The following CNTLN variants were observed in gnomAD, a reference collection of about 807,000 sequenced individuals.
CNTLN encodes the protein centlein.
Under a neutral mutation model 180.0 loss-of-function variants are expected in CNTLN, and 212 were observed. The ratio of observed to expected loss-of-function variants is 1.18; its 90% CI spans 1.05 to 1.32. CNTLN has a LOEUF of 1.32. Among genes scored for constraint, CNTLN ranks in the 40% most tolerant of loss-of-function variants. CNTLN has a pLI of 0.00. For synonymous variants in CNTLN, 722 were observed against 563.1 expected (o/e 1.28, Z -3.99); for missense variants, 2,095 against 1,610.9 (o/e 1.30, Z -5.14).
the CNTLN span, among the ~76,000 whole-genome samples, chr9:17,512,278 C>A: frequency 6.6e-6 from 1 of 152,126 alleles, no homozygotes; most frequent in African/African-American, 2.4e-5. Flanking sequence ...ATCTACATAC[C>A]GTATCAGTAG....
intron 2 of CNTLN, among the ~76,000 whole-genome samples, chr9:17,186,227 G>C (rs1428132967): frequency 6.6e-6 from 1 of 152,114 alleles, no homozygotes; most frequent in African/African-American, 2.4e-5. Context: ...TCCTTGAAAA[G>C]GGTATTCATC....
chr9:17,204,475 C>G (rs1822773411), intron 2 of CNTLN, among the ~76,000 whole-genome samples: 1 of 152,126 alleles, frequency 6.6e-6, no homozygotes, highest in South Asian at 2.1e-4. Flanking sequence ...AGTCCAGACC[C>G]TGCTTGGCTG....
At chr9:17,414,817 C>G (rs952169272) in intron 16 of CNTLN, among the ~76,000 whole-genome samples, 2 of 152,168 alleles carry the variant, frequency 1.3e-5, no homozygotes. Context: ...AGGCTAGGCA[C>G]TGTGGCTCAC....
At chr9:17,454,020 C>A (rs1195851675) in intron 18 of CNTLN, among the ~76,000 whole-genome samples, 1 of 152,130 alleles carries the variant, frequency 6.6e-6, no homozygotes, top group Non-Finnish European at 1.5e-5. Context: ...GTAATGTAAT[C>A]ATGGGAATGA....
At chr9:17,502,515 A>T (rs749736135) in intron 25 of CNTLN, 36 bp from the exon 26 acceptor site, 1 of 979,860 alleles carries the variant, frequency 1.0e-6, no homozygotes, top group East Asian at 2.7e-5. Flanking sequence ...AAGAAAATAT[A>T]GAGTTTTAAT....
rs753120251 is a variant in CNTLN, at chr9:17,411,205, C to T, written c.2796+1732C>T. Among the ~76,000 whole-genome samples, 20 of 152,016 alleles carry T rather than the reference C, an allele frequency of 1.3e-4. 1 individual carries two copies. The highest frequency in any genetic ancestry group is 1.0e-4 in the Non-Finnish European group (7 of 68,000). On this transcript the variant is annotated intron_variant, in intron 16 of 25. Transcript: ENST00000380647. ...GCTTCATGTATCCTGGCCTGGATACCTGAAATCCCCAACCTAGAAACCTCA... is the reference window on the plus strand; with the variant it reads ...GCTTCATGTATCCTGGCCTGGATACTTGAAATCCCCAACCTAGAAACCTCA...
intron 2 of CNTLN, among the ~76,000 whole-genome samples, chr9:17,224,074 A>G (rs920477451): frequency 3.3e-5 from 5 of 151,996 alleles, no homozygotes; most frequent in African/African-American, 1.2e-4. Context: ...CATGTTAACT[A>G]TTCTATATAA....
intron 7 of CNTLN, 51 bp downstream of exon 7, chr9:17,298,403 G>T: frequency 6.9e-7 from 1 of 1,438,966 alleles, no homozygotes; most frequent in African/African-American, 1.5e-5. Context: ...ATGAACTTAT[G>T]AACATATATA....
At chr9:17,305,388 A>T (rs1354852842) in intron 7 of CNTLN, among the ~76,000 whole-genome samples, 1 of 152,238 alleles carries the variant, frequency 6.6e-6, no homozygotes, top group Non-Finnish European at 1.5e-5. Context: ...GAAAGAAGTT[A>T]TAGAGAAAAG....
At chr9:17,409,250 A>C (rs1192266545) in intron 15 of CNTLN, 43 bp from the exon 16 acceptor site, 3 of 1,571,254 alleles carry the variant, frequency 1.9e-6, no homozygotes, top group Non-Finnish European at 2.6e-6. Flanking sequence ...ACATGTAACA[A>C]CTTTTATTCT....
intron 6 of CNTLN, among the ~76,000 whole-genome samples, chr9:17,293,779 C>A (rs2132719878): frequency 6.6e-6 from 1 of 152,246 alleles, no homozygotes; most frequent in East Asian, 1.9e-4. Flanking sequence ...AGGTAGTCAC[C>A]AGCCCATTGG....
At chr9:17,160,052 G>C (rs1255097457) in intron 2 of CNTLN, among the ~76,000 whole-genome samples, 1 of 152,158 alleles carries the variant, frequency 6.6e-6, no homozygotes, top group Admixed American at 6.5e-5. Flanking sequence ...TAGAGATTGT[G>C]AATTCACTGA....
chr9:17,287,923 G>T, intron 6 of CNTLN, among the ~76,000 whole-genome samples: 1 of 144,144 alleles, frequency 6.9e-6, no homozygotes, highest in East Asian at 2.0e-4. Context: ...TCTTGCTAGT[G>T]GTCTATCAAT....
intron 2 of CNTLN, among the ~76,000 whole-genome samples, chr9:17,178,178 C>T (rs537376305): frequency 9.5e-5 from 14 of 147,054 alleles, no homozygotes; most frequent in Middle Eastern, 3.6e-3. Flanking sequence ...TAACTAGATA[C>T]GGAGTGTCGA....
In CNTLN at chr9:17,348,849, C is replaced by T. The variant is rs115643773; in HGVS notation, c.1886+6405C>T. On this transcript the variant is annotated intron_variant, in intron 12 of 25. Transcript: ENST00000380647. ...CTGGCCCTCACTCTGCTTTCATTGA[C>T]GGAGCATGGCTGCTTTTTGTTTTGT... is the stretch of plus-strand genomic sequence containing the variant. 5.9e-3 allele frequency among the ~76,000 whole-genome samples: 902 copies of T among 152,164 alleles called. 4 individuals carry two copies. Among genetic ancestry groups the T allele is most frequent in the African/African-American group, 0.021 (868 of 41,534 alleles).
chr9:17,266,066 C>A (rs979546061), intron 5 of CNTLN, among the ~76,000 whole-genome samples: 2 of 151,832 alleles, frequency 1.3e-5, no homozygotes, highest in African/African-American at 4.8e-5. Flanking sequence ...TTAGTTATTT[C>A]TTGCCTTCTG....
chr9:17,475,245 A>G (rs1832267259), intron 23 of CNTLN, among the ~76,000 whole-genome samples: 1 of 151,822 alleles, frequency 6.6e-6, no homozygotes, highest in African/African-American at 2.4e-5. Flanking sequence ...GGTTAAATCT[A>G]AATCATTATT....
At chr9:17,470,093 G>A (rs912852274) in intron 23 of CNTLN, among the ~76,000 whole-genome samples, 1 of 151,866 alleles carries the variant, frequency 6.6e-6, no homozygotes. Context: ...TTGTAAACTT[G>A]TATTTTTCTT....
At chr9:17,355,669 AAAT>A (rs2133337088) in intron 12 of CNTLN, among the ~76,000 whole-genome samples, 1 of 152,340 alleles carries the variant, frequency 6.6e-6, no homozygotes, top group East Asian at 1.9e-4. Flanking sequence ...CAGTTATCCC[AAAT>A]AATAATTTCT....
Sources: allele counts gnomAD v4.1 joint callset (sites outside exome capture counted in the v4.1 genomes callset), GRCh38; gene constraint gnomAD v4.1.1; transcripts MANE v1.5; gene names NCBI Gene and HGNC (gene_info 2026-07-23, HGNC 2026-07-21).